The following MUC17 variants were observed in gnomAD, a reference collection of about 807,000 sequenced individuals.
MUC17 encodes the protein mucin-17.
In MUC17, 190 loss-of-function variants were observed where a neutral mutation model predicts 170.3. The ratio of observed to expected loss-of-function variants is 1.12; its 90% CI spans 0.99 to 1.26. The LOEUF (loss-of-function observed/expected upper bound fraction) is 1.26, where lower values mean the gene tolerates loss of function less well. Among genes scored for constraint, MUC17 ranks in the 50% most tolerant of loss-of-function variants. MUC17 has a pLI of 0.00. For missense variants in MUC17, 6,415 were observed against 5,530.0 expected, an observed-to-expected ratio of 1.16 and a Z score of -5.08; for synonymous variants, 2,325 against 2,002.5, an observed-to-expected ratio of 1.16 and a Z score of -4.30.
rs894019743 is a variant in MUC17 at position 101,031,214 on chromosome 7, T to C, written c.177T>C (p.Val59=). 1.3e-4 allele frequency: 208 copies of C among 1,612,448 alleles called. No individual in the cohort carries two copies. Among genetic ancestry groups the C allele is most frequent in the Non-Finnish European group, 1.7e-4 (206 of 1,179,334 alleles). The change falls in exon 2 of 13, where the codon GTT becomes GTC. Residue 59 remains valine, a synonymous_variant. Coordinates refer to ENST00000306151, the MANE Select transcript of MUC17 (RefSeq NM_001040105.2). ...AGTGCCAGCAGCTGTCTCAGCACGT[T>C]AGGACAGGTAAGGCAACAGACTCCA... ...NRQCQQLSQH[V]RTGSAANTAT...
At chr7:101,028,402 C>T (rs1290460692) in intron 1 of MUC17, among the ~76,000 whole-genome samples, 2 of 151,712 alleles carry the variant, frequency 1.3e-5, no homozygotes, top group Non-Finnish European at 2.9e-5. Context: ...TTTTTCTTTA[C>T]GTCTTTCAGT....
rs1308533720 is a variant in MUC17 at position 101,043,020 on chromosome 7, T to G, written c.11604T>G (p.Ile3868Met). 2.5e-6 allele frequency: 4 copies of G among 1,613,900 alleles called. No individual in the cohort carries two copies. Among genetic ancestry groups the G allele is most frequent in the Non-Finnish European group, 3.4e-6 (4 of 1,180,012 alleles). The change falls in exon 3 of 13, where the codon ATT becomes ATG. Residue 3868 changes from isoleucine to methionine, a missense_variant. Coordinates refer to ENST00000306151, the MANE Select transcript of MUC17 (RefSeq NM_001040105.2). ...AAGTCACTACCATACGTATTTCAAT[T>G]ACCAGTGAAAGAAGCACTCCATTAA... ...PAEVTTIRIS[I>M]TSERSTPLTT... is the part of the protein sequence containing the mutation.
At chr7:101,029,297 A>G (rs537135999) in intron 1 of MUC17, among the ~76,000 whole-genome samples, 10 of 151,494 alleles carry the variant, frequency 6.6e-5, no homozygotes, top group African/African-American at 2.4e-4. Context: ...CAGAGGTTGC[A>G]GTGAGCAGAG....
intron 3 of MUC17, 71 bp from the exon 4 acceptor site, chr7:101,047,913 A>T (rs1490019898): frequency 1.4e-6 from 2 of 1,478,496 alleles, no homozygotes; most frequent in East Asian, 5.0e-5. Context: ...ACCACAGTAG[A>T]TCCCTGCTCC....
At position 101,034,898 on chromosome 7, in the gene MUC17, C is replaced by T. The variant is rs778632866; in HGVS notation, c.3482C>T (p.Pro1161Leu). 107 of 1,613,348 alleles carry T rather than the reference C, an allele frequency of 6.6e-5. 1 individual carries two copies. In the Middle Eastern group the frequency reaches 9.9e-4, roughly 15 times the overall value. Reference protein sequence around the residue: ...PTSPPSEGTTPLASMPVSTTL... With the variant: ...PTSPPSEGTTLLASMPVSTTL... ...TCACCTCCCAGTGAAGGAACCACTC[C>T]GTTAGCAAGTATGCCTGTCAGCACC... The change falls in exon 3 of 13, where the codon CCG becomes CTG. Residue 1161 changes from proline (P) to leucine (L), a missense_variant. Transcript: ENST00000306151.
chr7:101,040,704 A>G lies in MUC17; in HGVS notation c.9288A>G (p.Pro3096=). ...SPTPAEGTSM[P]ISTYSEGSTP... is the part of the protein sequence containing the mutation. ...CACCTGCTGAAGGTACCAGCATGCC[A>G]ATCTCAACTTATAGTGAAGGAAGCA... is the stretch of plus-strand genomic sequence containing the variant. The change falls in exon 3 of 13, where the codon CCA becomes CCG. Residue 3096 remains proline (P), a synonymous_variant. Coordinates refer to ENST00000306151, the MANE Select transcript of MUC17 (RefSeq NM_001040105.2). 6.2e-7 allele frequency: 1 copy of G among 1,613,316 alleles called. No individual in the cohort carries two copies. Among genetic ancestry groups the G allele is most frequent in the Non-Finnish European group, 8.5e-7 (1 of 1,179,836 alleles).
chr7:101,043,506 A>G lies in MUC17; in HGVS notation c.12090A>G (p.Ala4030=). ...CTACTTCTGCATCAACGCTTTCTGC[A>G]ACCAGTACACCTCACACCTCTACTT... ...GCTTSASTLS[A]TSTPHTSTSV... is the part of the protein sequence containing the mutation. The change falls in exon 3 of 13, where the codon GCA becomes GCG. Residue 4030 remains alanine, a synonymous_variant. Transcript: ENST00000306151. The G allele has an allele frequency of 6.2e-7, 1 of 1,614,228 alleles. No individual in the cohort carries two copies. The highest frequency in any genetic ancestry group is 1.1e-5 in the South Asian group (1 of 91,080).
rs1397516360 is a variant in MUC17, at chr7:101,033,035, C to T, written c.1619C>T (p.Thr540Ile). The change falls in exon 3 of 13, where the codon ACA (threonine) becomes ATA (isoleucine). Residue 540 changes from threonine to isoleucine, a missense_variant. Thr to Ile is a moderately conservative substitution (Grantham distance 89, BLOSUM62 -1). Coordinates refer to ENST00000306151, the MANE Select transcript of MUC17 (RefSeq NM_001040105.2). ...TCAACAACTCCTGTTGACACCAGCA[C>T]ACCTGTGACCACTTCTAGTGAAGCC... Reference protein sequence around the residue: ...TLSTTPVDTSTPVTTSSEASS... With the variant: ...TLSTTPVDTSIPVTTSSEASS... 1.2e-6 allele frequency: 2 copies of T among 1,613,754 alleles called. No individual in the cohort carries two copies. The highest frequency in any genetic ancestry group is 1.3e-5 in the African/African-American group (1 of 74,808).
rs144640877 is a variant in MUC17, at chr7:101,033,164, T to C, written c.1748T>C (p.Val583Ala). Reference protein sequence around the residue: ...TNMPVSTRLVVSSEASTTSTT... With the variant: ...TNMPVSTRLVASSEASTTSTT... The stretch of plus-strand genomic sequence containing the variant: ...ATGCCTGTCAGCACCAGGCTGGTGG[T>C]CAGTTCTGAGGCTAGCACCACTTCA... The change falls in exon 3 of 13, where the codon GTC becomes GCC. Residue 583 changes from valine to alanine, a missense_variant. Physicochemically the swap from Val to Ala is moderately conservative, Grantham distance 64. Transcript: ENST00000306151. 2.1e-5 allele frequency: 33 copies of C among 1,603,610 alleles called. No individual in the cohort carries two copies. In the African/African-American group the frequency reaches 3.9e-4, roughly 19 times the overall value.
At position 101,038,152 on chromosome 7, in the gene MUC17, G is replaced by A. The variant is rs1794551561; in HGVS notation, c.6736G>A (p.Asp2246Asn). The change falls in exon 3 of 13, where the codon GAC (aspartate) becomes AAC (asparagine). Residue 2246 changes from aspartate to asparagine, a missense_variant. Transcript: ENST00000306151. ...EASTLSATPV[D>N]TSTPVTTSTE... Reference sequence around the variant, plus strand: ...TAGCACCCTTTCAGCAACTCCTGTTGACACCAGCACACCTGTGACCACTTC... The same window carrying A: ...TAGCACCCTTTCAGCAACTCCTGTTAACACCAGCACACCTGTGACCACTTC... The A allele has an allele frequency of 6.2e-7, 1 of 1,613,738 alleles. No individual in the cohort carries two copies. Among genetic ancestry groups the A allele is most frequent in the Non-Finnish European group, 8.5e-7 (1 of 1,179,928 alleles).
rs1246827101 is a variant in MUC17, at chr7:101,036,266, A to C, written c.4850A>C (p.Glu1617Ala). 6.2e-7 allele frequency: 1 copy of C among 1,613,758 alleles called. No individual in the cohort carries two copies. The highest frequency in any genetic ancestry group is 8.5e-7 in the Non-Finnish European group (1 of 1,179,940). The part of the protein sequence containing the change: ...STEASSSTTA[E>A]GSSMTISTPS... ...GAAGCCAGTTCATCTACAACCGCTG[A>C]AGGTAGCAGCATGACAATCTCAACT... Residue 1617 changes from glutamate (E) to alanine (A), a missense_variant, in exon 3 of 13, where the codon GAA becomes GCA. By Grantham distance (107) the Glu-to-Ala change is moderately radical (BLOSUM62 -1). Transcript: ENST00000306151.
chr7:101,027,412 C>T (rs1794200923), intron 1 of MUC17, among the ~76,000 whole-genome samples: 1 of 151,844 alleles, frequency 6.6e-6, no homozygotes, highest in Admixed American at 6.6e-5. Flanking sequence ...GGATTACAAG[C>T]ATGAACCACC....
Position 101,040,282 on chromosome 7 carries a change from A to C in MUC17, c.8866A>C (p.Arg2956=), listed in dbSNP as rs1412130706. The change falls in exon 3 of 13, where the codon AGG becomes CGG. Residue 2956 remains arginine, a synonymous_variant. Coordinates refer to ENST00000306151, the MANE Select transcript of MUC17 (RefSeq NM_001040105.2). ...CCTTTCAACAACTCCTGTTGACACC[A>C]GGACACCTGTCACCACTTCTGCTGA... is the stretch of plus-strand genomic sequence containing the variant. ...STLSTTPVDT[R]TPVTTSAEAS... is the part of the protein sequence containing the mutation. 3 of 1,611,046 alleles carry C rather than the reference A, an allele frequency of 1.9e-6. No individual in the cohort carries two copies. Among genetic ancestry groups the C allele is most frequent in the South Asian group, 2.2e-5 (2 of 90,716 alleles).
intron 7 of MUC17, 90 bp from the exon 8 acceptor site, chr7:101,051,523 C>A (rs1794943546): frequency 7.6e-7 from 1 of 1,320,836 alleles, no homozygotes; most frequent in South Asian, 1.3e-5. Context: ...TCGCAGCCCA[C>A]CCCCTTCTCA....
rs28593004 is a variant in MUC17, at chr7:101,037,702, G to A, written c.6286G>A (p.Ala2096Thr). 214,459 of 1,612,866 alleles carry A rather than the reference G, an allele frequency of 0.13. 17,265 individuals are homozygous for A. Among genetic ancestry groups the A allele is most frequent in the African/African-American group, 0.3 (22,360 of 74,626 alleles). ...TGAAGGTAGCAGCATGACAATCTCA[G>A]CTCCTAGTGAAGGAAGTCCTCTACT... is the stretch of plus-strand genomic sequence containing the variant. The part of the protein sequence containing the change: ...TAEGSSMTIS[A>T]PSEGSPLLTS... The change falls in exon 3 of 13, where the codon GCT becomes ACT. Residue 2096 changes from alanine (A) to threonine (T), a missense_variant. Physicochemically the swap from Ala to Thr is moderately conservative, Grantham distance 58 (BLOSUM62 0). Coordinates refer to ENST00000306151, the MANE Select transcript of MUC17 (RefSeq NM_001040105.2).
chr7:101,043,731 C>T lies in MUC17; in HGVS notation c.12315C>T (p.Phe4105=). 1 of 1,614,170 alleles carries T rather than the reference C, an allele frequency of 6.2e-7. No individual in the cohort carries two copies. Among genetic ancestry groups the T allele is most frequent in the Non-Finnish European group, 8.5e-7 (1 of 1,180,028 alleles). Residue 4105 remains phenylalanine, a synonymous_variant, in exon 3 of 13, where the codon TTC becomes TTT. Coordinates refer to ENST00000306151, the MANE Select transcript of MUC17 (RefSeq NM_001040105.2). ...RTKPSTRTTS[F]PTVTTTAVPT... Reference sequence around the variant, plus strand: ...AACCCAGCACACGGACCACTTCCTTCCCCACGGTGACCACCACCGCTGTCC... The same window carrying T: ...AACCCAGCACACGGACCACTTCCTTTCCCACGGTGACCACCACCGCTGTCC...
Position 101,035,635 on chromosome 7 carries a change from C to T in MUC17, c.4219C>T (p.Pro1407Ser), listed in dbSNP as rs1392147094. The T allele has an allele frequency of 1.9e-6, 3 of 1,612,222 alleles. No individual in the cohort carries two copies. Among genetic ancestry groups the T allele is most frequent in the Non-Finnish European group, 2.5e-6 (3 of 1,179,026 alleles). The change falls in exon 3 of 13, where the codon CCG (proline) becomes TCG (serine). Residue 1407 changes from proline to serine, a missense_variant. Pro to Ser is a moderately conservative substitution (Grantham distance 74). Coordinates refer to ENST00000306151, the MANE Select transcript of MUC17 (RefSeq NM_001040105.2). ...PLTSIPVSTT[P>S]VVSSEASTLS... ...AACAAGTATACCTGTCAGCACCACG[C>T]CGGTAGTCAGTTCTGAGGCTAGCAC...
rs560174964 is a variant in MUC17 at position 101,032,755 on chromosome 7, C to T, written c.1339C>T (p.Pro447Ser). ...AEDTSIATST[P>S]SEGSTPLTSM... Reference sequence around the variant, plus strand: ...AGATACCAGCATTGCAACCTCAACTCCTAGTGAAGGAAGCACTCCATTAAC... The same window carrying T: ...AGATACCAGCATTGCAACCTCAACTTCTAGTGAAGGAAGCACTCCATTAAC... The change falls in exon 3 of 13, where the codon CCT becomes TCT. Residue 447 changes from proline (P) to serine (S), a missense_variant. Transcript: ENST00000306151. 15 of 1,613,982 alleles carry T rather than the reference C, an allele frequency of 9.3e-6. No homozygotes were observed. In the African/African-American group the frequency reaches 2.0e-4, roughly 22 times the overall value.
chr7:101,031,659 G>A lies in MUC17; in HGVS notation c.243G>A (p.Met81Ile), dbSNP rs780465823. The change falls in exon 3 of 13, where the codon ATG (methionine) becomes ATA (isoleucine). Residue 81 changes from methionine (M) to isoleucine (I), a missense_variant. Physicochemically the swap from Met to Ile is conservative, Grantham distance 10. Transcript: ENST00000306151. ...TTSTNVVEPR[M>I]YLSCSTNPEM... ...CTACAAATGTCGTGGAGCCAAGAAT[G>A]TATTTGAGTTGCAGCACCAACCCTG... 1.3e-6 allele frequency: 2 copies of A among 1,578,906 alleles called. No homozygotes were observed. The highest frequency in any genetic ancestry group is 1.2e-5 in the South Asian group (1 of 85,150).
Sources: allele counts gnomAD v4.1 joint callset (sites outside exome capture counted in the v4.1 genomes callset), GRCh38; gene constraint gnomAD v4.1.1; transcripts MANE v1.5; gene names NCBI Gene and HGNC (gene_info 2026-07-23, HGNC 2026-07-21).